The following ADAM12 variants were observed in gnomAD, a reference collection of about 807,000 sequenced individuals.
ADAM12 encodes ADAM metallopeptidase domain 12.
ADAM12 carries 70 observed loss-of-function variants against 106.4 expected under a neutral mutation model. The ratio of observed to expected loss-of-function variants is 0.66; its 90% confidence interval spans 0.54 to 0.80. The LOEUF (loss-of-function observed/expected upper bound fraction) is 0.80. Ranked by LOEUF, ADAM12 falls within the 30% of genes least tolerant of loss-of-function variation. The pLI, the probability that ADAM12 is intolerant of heterozygous loss-of-function variation, is 0.00. For synonymous variants in ADAM12, 420 were observed against 433.5 expected (o/e 0.97, Z 0.39); for missense variants, 1,010 against 1,171.9 (o/e 0.86, Z 2.02).
intron 3 of ADAM12, among the ~76,000 whole-genome samples, chr10:126,177,903 G>A (rs749131050): frequency 2.0e-5 from 3 of 152,208 alleles, no homozygotes; most frequent in South Asian, 2.1e-4. Flanking sequence ...AGCGAGCAAC[G>A]TGTCACTCAA....
chr10:126,231,890 C>T (rs1958319358), intron 3 of ADAM12, among the ~76,000 whole-genome samples: 1 of 152,188 alleles, frequency 6.6e-6, no homozygotes, highest in Admixed American at 6.5e-5. Flanking sequence ...GGTCTAGCCT[C>T]AGTGTAGATT....
chr10:126,034,380 T>G (rs1954021596), intron 21 of ADAM12, among the ~76,000 whole-genome samples: 1 of 152,076 alleles, frequency 6.6e-6, no homozygotes. Context: ...TATGTCAAAA[T>G]GCTGAGGTTG....
chr10:126,046,875 T>C (rs911473231), intron 16 of ADAM12, among the ~76,000 whole-genome samples: 9 of 143,738 alleles, frequency 6.3e-5, no homozygotes, highest in African/African-American at 2.3e-4. Flanking sequence ...AGGGCCTGGA[T>C]AGACATAGAT....
At chr10:126,202,990 G>C (rs913794463) in intron 3 of ADAM12, among the ~76,000 whole-genome samples, 18 of 152,040 alleles carry the variant, frequency 1.2e-4, no homozygotes, top group African/African-American at 4.3e-4. Flanking sequence ...TAGAATACAG[G>C]GGAAATTGTG....
rs1170443421 is a variant in ADAM12 at position 126,038,976 on chromosome 10, T to TTC, written c.2240+317_2240+318insGA. On this transcript the variant is annotated intron_variant, in intron 19 of 22. Transcript: ENST00000448723. ...TCTTTTTTTTTTTTTTTTTTTTTTT[T>TTC]TGAGATGGAGTCTTGCTCTCTCGCC... 4.1e-4 allele frequency among the ~76,000 whole-genome samples: 59 copies of TTC among 142,808 alleles called. No homozygotes were observed. In the East Asian group the frequency reaches 7.3e-3, roughly 18 times the overall value. 93.7% of individuals were successfully genotyped at this position (142,808 alleles called of 152,430 possible).
At position 126,016,997 on chromosome 10, in the gene ADAM12, CAA is replaced by C; in HGVS notation, c.*280_*281del. ...GTTCACTAAAATACTAAAAGCACAA[CAA>C]GCCTTCCTGCCATGGAAAACTCAGT... On this transcript the variant is annotated 3_prime_UTR_variant, in exon 23 of 23. Coordinates refer to ENST00000448723, the MANE Select transcript of ADAM12 (RefSeq NM_001288973.2). The C allele has an allele frequency of 3.2e-6, 1 of 316,084 alleles. No homozygotes were observed. The highest frequency in any genetic ancestry group is 9.0e-5 in the South Asian group (1 of 11,164). The allele number at this position is 316,084 out of a possible 1,614,324, so 19.6% of individuals were successfully genotyped here.
At chr10:126,018,931 C>G (rs991158580) in intron 22 of ADAM12, among the ~76,000 whole-genome samples, 3 of 152,176 alleles carry the variant, frequency 2.0e-5, no homozygotes, top group African/African-American at 7.2e-5. Flanking sequence ...AGGAACTGGG[C>G]AGATTCTGCT....
chr10:126,147,446 A>G (rs7068628), intron 4 of ADAM12, among the ~76,000 whole-genome samples: 112,745 of 152,072 alleles, frequency 0.74, 42,188 homozygotes, highest in Middle Eastern at 0.79. Flanking sequence ...ACACGCCTTG[A>G]GGAAGGCCTT....
chr10:126,328,616 T>C (rs561133349), intron 2 of ADAM12, among the ~76,000 whole-genome samples: 2 of 152,324 alleles, frequency 1.3e-5, no homozygotes, highest in East Asian at 3.9e-4. Flanking sequence ...TGTAATTTTA[T>C]GGCCATACAC....
chr10:126,234,891 G>A (rs1958384321), intron 3 of ADAM12, among the ~76,000 whole-genome samples: 1 of 152,208 alleles, frequency 6.6e-6, no homozygotes, highest in African/African-American at 2.4e-5. Flanking sequence ...GGTCAAAGGG[G>A]CACGTGGAGA....
chr10:126,338,584 A>G lies in ADAM12; in HGVS notation c.89-8075T>C, dbSNP rs550038452. On this transcript the variant is annotated intron_variant, in intron 1 of 22. Coordinates refer to ENST00000448723, the MANE Select transcript of ADAM12 (RefSeq NM_001288973.2). ...TACATTTTTATAACCGTTACTGGTGAGTGAGATACTAATCCCATTTTATAC... is the reference window on the plus strand; with the variant it reads ...TACATTTTTATAACCGTTACTGGTGGGTGAGATACTAATCCCATTTTATAC... Among the ~76,000 whole-genome samples, 4 of 152,288 alleles carry G rather than the reference A, an allele frequency of 2.6e-5. No homozygotes were observed. The South Asian group carries it at 6.2e-4, about 24-fold the overall frequency.
chr10:126,324,586 G>T (rs553687802), intron 2 of ADAM12, among the ~76,000 whole-genome samples: 1 of 152,290 alleles, frequency 6.6e-6, no homozygotes, highest in East Asian at 1.9e-4. Context: ...TTGTAGAATG[G>T]AGGAAGACTA....
At chr10:126,075,870 G>C (rs1241311326) in intron 11 of ADAM12, among the ~76,000 whole-genome samples, 3 of 152,196 alleles carry the variant, frequency 2.0e-5, no homozygotes, top group African/African-American at 7.2e-5. Context: ...CAATACACTG[G>C]GAGCTGTGCC....
At chr10:126,070,164 G>A (rs886711510) in intron 12 of ADAM12, among the ~76,000 whole-genome samples, 4 of 152,116 alleles carry the variant, frequency 2.6e-5, no homozygotes, top group African/African-American at 7.2e-5. Flanking sequence ...AACCCATGAT[G>A]GTTTTAAGTT....
chr10:126,241,250 C>A (rs1051769308), intron 3 of ADAM12, among the ~76,000 whole-genome samples: 1 of 152,152 alleles, frequency 6.6e-6, no homozygotes, highest in Non-Finnish European at 1.5e-5. Flanking sequence ...GTGACTTTAA[C>A]AGGTTTGGGG....
chr10:126,106,886 G>A (rs1295173805), intron 8 of ADAM12, among the ~76,000 whole-genome samples: 6 of 152,094 alleles, frequency 3.9e-5, no homozygotes, highest in Admixed American at 2.0e-4. Flanking sequence ...ACTATCATGT[G>A]TGTCTCTCCC....
intron 2 of ADAM12, among the ~76,000 whole-genome samples, chr10:126,328,713 C>T (rs1471912801): frequency 6.6e-6 from 1 of 152,224 alleles, no homozygotes; most frequent in Non-Finnish European, 1.5e-5. Context: ...CATGCCCCTA[C>T]ATAACGTCAC....
chr10:126,351,900 G>A (rs182097183), intron 1 of ADAM12, among the ~76,000 whole-genome samples: 1 of 152,094 alleles, frequency 6.6e-6, no homozygotes, highest in African/African-American at 2.4e-5. Flanking sequence ...CAGGAAGAGT[G>A]GACTGAGAAA....
intron 3 of ADAM12, among the ~76,000 whole-genome samples, chr10:126,255,690 C>T (rs575729791): frequency 6.6e-6 from 1 of 152,344 alleles, no homozygotes; most frequent in South Asian, 2.1e-4. Context: ...TCTTACCTTT[C>T]TTTGAATCCC....
Sources: allele counts gnomAD v4.1 joint callset (sites outside exome capture counted in the v4.1 genomes callset), GRCh38; gene constraint gnomAD v4.1.1; transcripts MANE v1.5; gene names NCBI Gene and HGNC (gene_info 2026-07-23, HGNC 2026-07-21).